WWP2: variants seen among roughly 807,000 people sequenced by gnomAD.
The protein encoded by WWP2 is NEDD4-like E3 ubiquitin-protein ligase WWP2.
A neutral mutation model predicts 121.0 loss-of-function variants in WWP2; 57 were observed. That is an observed-to-expected ratio of 0.47 (90% CI 0.38 to 0.59). The LOEUF (loss-of-function observed/expected upper bound fraction) is 0.59. WWP2 is among the 20% of genes least tolerant of loss of function. WWP2 has a pLI of 0.00. For missense variants in WWP2, 962 were observed against 1,158.9 expected, an observed-to-expected ratio of 0.83 and a Z score of 2.47; for synonymous variants, 449 against 441.3, an observed-to-expected ratio of 1.02 and a Z score of -0.22.
chr16:69,791,224 T>C (rs1442110877), intron 2 of WWP2, among the ~76,000 whole-genome samples: 2 of 151,176 alleles, frequency 1.3e-5, no homozygotes, highest in Admixed American at 6.6e-5. Context: ...TCTTTTCTTT[T>C]TTTCTTTCTT....
At chr16:69,809,660 C>T (rs949231562) in intron 4 of WWP2, among the ~76,000 whole-genome samples, 1 of 151,864 alleles carries the variant, frequency 6.6e-6, no homozygotes, top group Non-Finnish European at 1.5e-5. Flanking sequence ...CTCAGCTACT[C>T]GGGAGGCTGA....
intron 16 of WWP2, 29 bp downstream of exon 16, chr16:69,931,919 C>T (rs746164270): frequency 5.7e-6 from 9 of 1,590,288 alleles, no homozygotes; most frequent in East Asian, 2.2e-5. Context: ...GAAGGCTGCC[C>T]TGTACCCCGC....
rs958189983 is a variant in WWP2 at position 69,909,757 on chromosome 16, A to T, written c.1004+907A>T. The T allele has an allele frequency of 1.6e-5, 15 of 932,942 alleles. No individual in the cohort carries two copies. In the East Asian group the frequency reaches 7.0e-4, roughly 44 times the overall value. The allele number at this position is 932,942 out of a possible 1,614,324, so 57.8% of individuals were successfully genotyped here. On this transcript the variant is annotated intron_variant, in intron 9 of 23. Coordinates refer to ENST00000359154, the MANE Select transcript of WWP2 (RefSeq NM_001270454.2). ...GGTTAAGTGTTTTGTTATGAAAATT[A>T]TGAAAATGTTCTTATTATTATGGAA... is the stretch of plus-strand genomic sequence containing the variant.
intron 4 of WWP2, among the ~76,000 whole-genome samples, chr16:69,816,976 TTCC>T (rs1344703573): frequency 5.3e-5 from 8 of 152,230 alleles, no homozygotes; most frequent in Non-Finnish European, 1.5e-5. Flanking sequence ...AGTTCTTTTG[TTCC>T]TAGAGTCTCT....
intron 1 of WWP2, among the ~76,000 whole-genome samples, chr16:69,777,737 T>C (rs2055566501): frequency 1.3e-5 from 2 of 151,734 alleles, no homozygotes; most frequent in Non-Finnish European, 2.9e-5. Context: ...AGAGGAAATA[T>C]GTTGTTTGTA....
At chr16:69,839,607 T>TC (rs1200785385) in intron 4 of WWP2, among the ~76,000 whole-genome samples, 1 of 152,200 alleles carries the variant, frequency 6.6e-6, no homozygotes, top group East Asian at 1.9e-4. Context: ...AACTTTTTTT[T>TC]CCTTATTTCA....
intron 2 of WWP2, among the ~76,000 whole-genome samples, chr16:69,795,259 TAC>T (rs10578834): frequency 0.071 from 6,622 of 92,944 alleles, 469 homozygotes; most frequent in African/African-American, 0.16. Flanking sequence ...AAAATGCGGA[TAC>T]ACACACACAC....
intron 1 of WWP2, among the ~76,000 whole-genome samples, chr16:69,777,485 G>C (rs1164147466): frequency 6.6e-6 from 1 of 151,642 alleles, no homozygotes; most frequent in Non-Finnish European, 1.5e-5. Flanking sequence ...GTTTTTAGTA[G>C]AGATGGGGTT....
intron 9 of WWP2, among the ~76,000 whole-genome samples, chr16:69,911,633 G>T (rs2058380395): frequency 6.6e-6 from 1 of 152,140 alleles, no homozygotes; most frequent in Non-Finnish European, 1.5e-5. Context: ...TTCTGTGCAA[G>T]ATTTCAACTG....
chr16:69,936,626 A>C (rs904803), intron 19 of WWP2, 174 bp downstream of exon 19: 5 of 880,668 alleles, frequency 5.7e-6, no homozygotes, highest in Non-Finnish European at 8.4e-6. Context: ...GGGGGAACCA[A>C]AGCCGAGGTC....
chr16:69,890,316 A>G (rs75109048), intron 8 of WWP2, among the ~76,000 whole-genome samples: 5,697 of 152,214 alleles, frequency 0.037, 145 homozygotes, highest in Non-Finnish European at 0.053. Context: ...CCTGTTCCAC[A>G]TACCTTTGTA....
At chr16:69,826,103 C>T (rs951314298) in intron 4 of WWP2, among the ~76,000 whole-genome samples, 4 of 150,470 alleles carry the variant, frequency 2.7e-5, no homozygotes, top group South Asian at 2.1e-4. Context: ...CCCATCTGCA[C>T]TAAAAATACA....
chr16:69,909,315 A>G, intron 9 of WWP2: 1 of 988,252 alleles, frequency 1.0e-6, no homozygotes, highest in Non-Finnish European at 1.2e-6. Context: ...AGAGCTTTCA[A>G]AAGGGGATGT....
At chr16:69,814,355 T>C (rs1434498006) in intron 4 of WWP2, among the ~76,000 whole-genome samples, 1 of 152,092 alleles carries the variant, frequency 6.6e-6, no homozygotes, top group African/African-American at 2.4e-5. Flanking sequence ...CACTATGAAT[T>C]TGTACTGAAG....
chr16:69,887,948 C>T (rs1404698724), intron 7 of WWP2, 91 bp from the exon 8 acceptor site: 1 of 1,463,404 alleles, frequency 6.8e-7, no homozygotes, highest in Non-Finnish European at 9.4e-7. Context: ...ATTGTAGATA[C>T]CATGTTAGCC....
intron 1 of WWP2, among the ~76,000 whole-genome samples, chr16:69,766,982 G>C (rs2038744634): frequency 6.6e-6 from 1 of 151,228 alleles, no homozygotes; most frequent in African/African-American, 2.4e-5. Context: ...TCAAAATCCT[G>C]ACCTCAAGTG....
At chr16:69,877,963 G>A (rs766769329) in intron 7 of WWP2, among the ~76,000 whole-genome samples, 65 of 152,000 alleles carry the variant, frequency 4.3e-4, no homozygotes, top group Non-Finnish European at 5.0e-4. Flanking sequence ...GCGTGCCACC[G>A]TGCCCAGCTA....
rs547291983 is a variant in WWP2 at position 69,841,050 on chromosome 16, A to G, written c.478+787A>G. The stretch of plus-strand genomic sequence containing the variant: ...TTGGGGTGCTTTGGTGCTTGGAGAA[A>G]AACATGTGTCATTCACTCATTCAAC... On this transcript the variant is annotated intron_variant, in intron 5 of 23. Transcript: ENST00000359154. 8.5e-5 allele frequency among the ~76,000 whole-genome samples: 13 copies of G among 152,316 alleles called. No individual in the cohort carries two copies. The East Asian group carries it at 2.3e-3, about 27-fold the overall frequency.
At chr16:69,820,344 T>G (rs1399243274) in intron 4 of WWP2, among the ~76,000 whole-genome samples, 1 of 152,078 alleles carries the variant, frequency 6.6e-6, no homozygotes, top group Non-Finnish European at 1.5e-5. Flanking sequence ...TGGGTTCAAG[T>G]GATTCTCCTG....
Sources: allele counts gnomAD v4.1 joint callset (sites outside exome capture counted in the v4.1 genomes callset), GRCh38; gene constraint gnomAD v4.1.1; transcripts MANE v1.5; gene names NCBI Gene and HGNC (gene_info 2026-07-23, HGNC 2026-07-21).